Variants in SKIC3 observed in about 807,000 individuals in gnomAD.
The protein encoded by SKIC3 is SKI3 subunit of superkiller complex.
chr5:95,479,716 T>A, the SKIC3 span, among the ~76,000 whole-genome samples: 3 of 150,210 alleles, frequency 2.0e-5, no homozygotes, highest in Non-Finnish European at 4.4e-5. Flanking sequence ...TGTGTGTGTA[T>A]AGTTCATTAC....
chr5:95,533,311 C>G, the SKIC3 span, among the ~76,000 whole-genome samples: 2 of 152,042 alleles, frequency 1.3e-5, no homozygotes, highest in South Asian at 2.1e-4. Flanking sequence ...GGAGGAGAAC[C>G]CAGTGATTAA....
the SKIC3 span, chr5:95,497,479 A>T: frequency 4.3e-6 from 7 of 1,613,376 alleles, no homozygotes; most frequent in Admixed American, 1.7e-5. Context: ...GAGCAGGGTC[A>T]CCAGGGTTGC....
At chr5:95,484,718 A>G in the SKIC3 span, 1 of 1,614,030 alleles carries the variant, frequency 6.2e-7, no homozygotes. Flanking sequence ...ACATTCCATA[A>G]AATACCTTTG....
chr5:95,528,412 C>T, the SKIC3 span, among the ~76,000 whole-genome samples: 2 of 152,042 alleles, frequency 1.3e-5, no homozygotes, highest in Non-Finnish European at 1.5e-5. Context: ...TCCTAAAAAA[C>T]GACAATGGCT....
the SKIC3 span, among the ~76,000 whole-genome samples, chr5:95,486,731 G>A: frequency 2.6e-5 from 4 of 152,132 alleles, no homozygotes; most frequent in African/African-American, 9.7e-5. Context: ...CGCTAACACC[G>A]CAGCTGGCAC....
the SKIC3 span, among the ~76,000 whole-genome samples, chr5:95,480,559 T>C: frequency 6.6e-6 from 1 of 152,184 alleles, no homozygotes; most frequent in Non-Finnish European, 1.5e-5. Flanking sequence ...TCTAGCAATA[T>C]CAGCACCTGG....
At chr5:95,509,800 C>T in the SKIC3 span, 4 of 742,394 alleles carry the variant, frequency 5.4e-6, no homozygotes, top group Non-Finnish European at 9.4e-6. Context: ...AGATCACTCA[C>T]ACTGTTAAGA....
At chr5:95,492,443 C>T in the SKIC3 span, among the ~76,000 whole-genome samples, 11 of 149,082 alleles carry the variant, frequency 7.4e-5, no homozygotes, top group African/African-American at 2.5e-4. Flanking sequence ...GAGACCATCC[C>T]GGCTAAAACG....
chr5:95,521,132 T>C, the SKIC3 span, among the ~76,000 whole-genome samples: 3 of 152,038 alleles, frequency 2.0e-5, no homozygotes, highest in African/African-American at 7.2e-5. Flanking sequence ...ATTATCTATA[T>C]GTTACTCTCC....
the SKIC3 span, among the ~76,000 whole-genome samples, chr5:95,486,181 C>T: frequency 6.6e-6 from 1 of 152,144 alleles, no homozygotes; most frequent in Non-Finnish European, 1.5e-5. Context: ...CAGCCCTCTA[C>T]CAGGCTGTGT....
chr5:95,482,283 T>C, the SKIC3 span, among the ~76,000 whole-genome samples: 1 of 152,182 alleles, frequency 6.6e-6, no homozygotes, highest in Non-Finnish European at 1.5e-5. Context: ...AAATCATCAT[T>C]GTAGCAGATC....
chr5:95,539,843 C>CAA, the SKIC3 span, among the ~76,000 whole-genome samples: 3 of 107,692 alleles, frequency 2.8e-5, no homozygotes, highest in Non-Finnish European at 3.8e-5. Flanking sequence ...CACTCTGCCT[C>CAA]AAAAAAAAAA....
the SKIC3 span, among the ~76,000 whole-genome samples, chr5:95,531,829 C>T: frequency 6.6e-6 from 1 of 152,162 alleles, no homozygotes; most frequent in Non-Finnish European, 1.5e-5. Flanking sequence ...CTTATTGCCT[C>T]TGTGGCTAAA....
chr5:95,480,807 G>T, the SKIC3 span, among the ~76,000 whole-genome samples: 1 of 152,092 alleles, frequency 6.6e-6, no homozygotes. Flanking sequence ...AAAAATTATG[G>T]TACATGAAAC....
At chr5:95,524,595 A>G in the SKIC3 span, 1 of 1,613,360 alleles carries the variant, frequency 6.2e-7, no homozygotes, top group Non-Finnish European at 8.5e-7. Context: ...CTGAAAACTA[A>G]GCCACCAAAG....
the SKIC3 span, among the ~76,000 whole-genome samples, chr5:95,484,340 CTTTTTTTTTT>C: frequency 8.3e-6 from 1 of 119,930 alleles, no homozygotes. Flanking sequence ...ATGCATTCCT[CTTTTTTTTTT>C]TTTTTTTTTT....
At chr5:95,476,794 G>A in the SKIC3 span, among the ~76,000 whole-genome samples, 1 of 152,146 alleles carries the variant, frequency 6.6e-6, no homozygotes, top group African/African-American at 2.4e-5. Flanking sequence ...GGGGGATTCA[G>A]GGGGACAGGT....
the SKIC3 span, chr5:95,523,769 T>G: frequency 1.7e-5 from 28 of 1,613,636 alleles, no homozygotes; most frequent in Non-Finnish European, 2.4e-5. Context: ...TATCTCCCAC[T>G]ACGTCTCTAT....
At chr5:95,503,923 A>G in the SKIC3 span, 4 of 1,613,930 alleles carry the variant, frequency 2.5e-6, no homozygotes, top group Middle Eastern at 1.7e-4. Context: ...TAGCTTTATC[A>G]TATTCACCAG....
Sources: allele counts gnomAD v4.1 joint callset (sites outside exome capture counted in the v4.1 genomes callset), GRCh38; gene constraint gnomAD v4.1.1; transcripts MANE v1.5; gene names NCBI Gene and HGNC (gene_info 2026-07-23, HGNC 2026-07-21).